CD44: variants seen among roughly 807,000 people sequenced by gnomAD.
CD44 encodes CD44 antigen.
In CD44, 49 loss-of-function variants were observed where a neutral mutation model predicts 88.8. That is an observed-to-expected ratio of 0.55 (90% CI 0.44 to 0.70). The LOEUF (loss-of-function observed/expected upper bound fraction) is 0.70. CD44 is among the 30% of genes least tolerant of loss of function. The pLI, the probability that CD44 is intolerant of heterozygous loss-of-function variation, is 0.00. For synonymous variants in CD44, 325 were observed against 312.3 expected, an observed-to-expected ratio of 1.04 and a Z score of -0.43; for missense variants, 883 against 913.8, an observed-to-expected ratio of 0.97 and a Z score of 0.43.
chr11:35,207,794 G>C (rs1184173132), intron 11 of CD44, among the ~76,000 whole-genome samples: 1 of 152,122 alleles, frequency 6.6e-6, no homozygotes, highest in Non-Finnish European at 1.5e-5. Context: ...CTATAAAAAA[G>C]GCAATGTTTC....
intron 1 of CD44, among the ~76,000 whole-genome samples, chr11:35,154,154 T>C (rs527772715): frequency 6.6e-6 from 1 of 152,216 alleles, no homozygotes; most frequent in Non-Finnish European, 1.5e-5. Context: ...TACTTAGGGA[T>C]CTTGAGTGTC....
At chr11:35,184,720 T>C (rs1410038511) in intron 3 of CD44, among the ~76,000 whole-genome samples, 5 of 152,220 alleles carry the variant, frequency 3.3e-5, no homozygotes, top group Non-Finnish European at 5.9e-5. Flanking sequence ...TTTTATATGG[T>C]CTGGCATATA....
At position 35,153,669 on chromosome 11, in the gene CD44, G is replaced by A. The variant is rs73453645; in HGVS notation, c.67+14299G>A. On this transcript the variant is annotated intron_variant, in intron 1 of 17. Coordinates refer to ENST00000428726, the MANE Select transcript of CD44 (RefSeq NM_000610.4). Reference sequence around the variant, plus strand: ...TTACAGTCTATCTGGAAGACAGACAGTAAACAACTAATGATGCCTTTGTTT... The same window carrying A: ...TTACAGTCTATCTGGAAGACAGACAATAAACAACTAATGATGCCTTTGTTT... Among the ~76,000 whole-genome samples the A allele has an allele frequency of 3.1e-4, 47 of 152,372 alleles. 1 individual carries two copies. The highest frequency in any genetic ancestry group is 1.1e-3 in the African/African-American group (44 of 41,584).
At chr11:35,158,002 A>G (rs1177709544) in intron 1 of CD44, among the ~76,000 whole-genome samples, 2 of 152,120 alleles carry the variant, frequency 1.3e-5, no homozygotes, top group East Asian at 3.8e-4. Context: ...ATAGTTTCTG[A>G]TGATATAGGA....
intron 3 of CD44, among the ~76,000 whole-genome samples, chr11:35,181,944 T>TTATATATA (rs1945149016): frequency 4.7e-5 from 4 of 85,970 alleles, no homozygotes; most frequent in African/African-American, 2.0e-4. Flanking sequence ...AAATTATATA[T>TTATATATA]AATATATATA....
intron 17 of CD44, chr11:35,223,069 A>G (rs1949433205): frequency 2.0e-6 from 2 of 985,228 alleles, no homozygotes; most frequent in African/African-American, 1.7e-5. Flanking sequence ...GCCATGTTAC[A>G]GTCAAACAGC....
Position 35,208,184 on chromosome 11 carries a change from A to G in CD44, c.1494A>G (p.Thr498=), listed in dbSNP as rs942471688. Residue 498 remains threonine, a synonymous_variant, in exon 12 of 18, where the codon ACA becomes ACG. Transcript: ENST00000428726. ...GTTTGGTGGAAGATTTGGACAGGAC[A>G]GGACCTCTTTCAATGACAACGCGTA... is the stretch of plus-strand genomic sequence containing the variant. ...NTGLVEDLDR[T]GPLSMTTQQS... The G allele has an allele frequency of 1.9e-6, 3 of 1,612,138 alleles. No individual in the cohort carries two copies. The highest frequency in any genetic ancestry group is 2.5e-6 in the Non-Finnish European group (3 of 1,178,222).
intron 17 of CD44, chr11:35,223,093 A>G (rs1565162532): frequency 1.0e-6 from 1 of 985,160 alleles, no homozygotes; most frequent in Non-Finnish European, 1.2e-6. Flanking sequence ...GTTGCTATCT[A>G]TACCATTGAG....
intron 1 of CD44, among the ~76,000 whole-genome samples, chr11:35,155,582 A>G (rs1428395620): frequency 2.6e-5 from 4 of 152,228 alleles, no homozygotes; most frequent in Non-Finnish European, 5.9e-5. Context: ...GTCTTCTACA[A>G]AAGAGAATTA....
intron 17 of CD44, among the ~76,000 whole-genome samples, chr11:35,227,678 C>G (rs1236707361): frequency 5.9e-5 from 9 of 152,196 alleles, no homozygotes; most frequent in Admixed American, 5.9e-4. Flanking sequence ...AGTTTATGGC[C>G]TTGGCAGTCC....
intron 16 of CD44, among the ~76,000 whole-genome samples, chr11:35,221,370 G>T (rs913585582): frequency 2.0e-5 from 3 of 152,142 alleles, no homozygotes; most frequent in Non-Finnish European, 4.4e-5. Context: ...GCATCTACAA[G>T]ATTCAACAAG....
intron 1 of CD44, among the ~76,000 whole-genome samples, chr11:35,148,910 T>C (rs1189811681): frequency 2.6e-5 from 4 of 152,254 alleles, no homozygotes; most frequent in African/African-American, 4.8e-5. Context: ...TCTTCTTTCA[T>C]TTTTCTCTAT....
At chr11:35,191,992 G>A (rs1333277526) in intron 5 of CD44, among the ~76,000 whole-genome samples, 2 of 152,184 alleles carry the variant, frequency 1.3e-5, no homozygotes, top group Non-Finnish European at 2.9e-5. Flanking sequence ...GCCAGACACT[G>A]CTCTAGGATG....
At chr11:35,218,585 C>T (rs1404362973) in intron 15 of CD44, among the ~76,000 whole-genome samples, 1 of 152,130 alleles carries the variant, frequency 6.6e-6, no homozygotes, top group Non-Finnish European at 1.5e-5. Context: ...CTTCAGCCTC[C>T]CAAAGTACTG....
Position 35,206,195 on chromosome 11 carries a change from C to G in CD44, c.1366C>G (p.Pro456Ala). 1 of 1,612,544 alleles carries G rather than the reference C, an allele frequency of 6.2e-7. No individual in the cohort carries two copies. Among genetic ancestry groups the G allele is most frequent in the Non-Finnish European group, 8.5e-7 (1 of 1,179,208 alleles). ...EDSSWTDFFN[P>A]ISHPMGRGHQ... ...CAGTTCCTGGACTGATTTCTTCAACCCAATCTCACACCCCATGGGACGAGG... is the reference window on the plus strand; with the variant it reads ...CAGTTCCTGGACTGATTTCTTCAACGCAATCTCACACCCCATGGGACGAGG... The change falls in exon 11 of 18, where the codon CCA becomes GCA. Residue 456 changes from proline (P) to alanine (A), a missense_variant. Around this residue, in one of 2 missense-constraint regions of CD44, gnomAD observed 631 missense variants for 590.9 expected, o/e 1.07. Coordinates refer to ENST00000428726, the MANE Select transcript of CD44 (RefSeq NM_000610.4).
At chr11:35,202,736 G>A (rs1200904309) in intron 9 of CD44, among the ~76,000 whole-genome samples, 1 of 152,108 alleles carries the variant, frequency 6.6e-6, no homozygotes, top group Non-Finnish European at 1.5e-5. Context: ...GTTAGACATT[G>A]TACTGAATAT....
chr11:35,144,406 A>G (rs535044571), intron 1 of CD44, among the ~76,000 whole-genome samples: 20 of 152,230 alleles, frequency 1.3e-4, no homozygotes, highest in Non-Finnish European at 2.8e-4. Flanking sequence ...TGGGGTTTGC[A>G]CAGCAAGAAA....
At chr11:35,179,060 A>T (rs572574103) in intron 2 of CD44, among the ~76,000 whole-genome samples, 1 of 152,204 alleles carries the variant, frequency 6.6e-6, no homozygotes, top group Non-Finnish European at 1.5e-5. Flanking sequence ...TGCCAAGCTA[A>T]GGAGGCTTTG....
At position 35,210,011 on chromosome 11, in the gene CD44, A is replaced by C; in HGVS notation, c.1563A>C (p.Glu521Asp). Residue 521 changes from glutamate (E) to aspartate (D), a missense_variant, in exon 13 of 18, where the codon GAA (glutamate) becomes GAC (aspartate). Transcript: ENST00000428726. ...QSFSTSHEGL[E>D]EDKDHPTTST... ...TCTCTACATCACATGAAGGCTTGGAAGAAGATAAAGACCATCCAACAACTT... is the reference window on the plus strand; with the variant it reads ...TCTCTACATCACATGAAGGCTTGGACGAAGATAAAGACCATCCAACAACTT... The C allele has an allele frequency of 6.4e-7, 1 of 1,571,668 alleles. No individual in the cohort carries two copies. The highest frequency in any genetic ancestry group is 1.2e-5 in the South Asian group (1 of 83,776).
Sources: gnomAD v4.1 joint callset for allele counts (sites outside exome capture counted in the v4.1 genomes callset) on GRCh38, gnomAD v4.1.1 for gene constraint, gnomAD v4.1.1 regional missense constraint, MANE v1.5 for transcripts, NCBI Gene and HGNC (gene_info 2026-07-23, HGNC 2026-07-21) for gene names.